SCFD2: variants seen among roughly 807,000 people sequenced by gnomAD.
The protein encoded by SCFD2 is sec1 family domain containing 2.
In SCFD2, 54 loss-of-function variants were observed where a neutral mutation model predicts 58.9. The observed-to-expected ratio is 0.92, with a 90% CI of 0.74 to 1.15. SCFD2 has a LOEUF of 1.15. Among genes scored for constraint, SCFD2 ranks in the 50% most tolerant of loss-of-function variants. The pLI is 0.00. For missense variants in SCFD2, 805 were observed against 836.6 expected (o/e 0.96, Z 0.47); for synonymous variants, 321 against 335.9 (o/e 0.96, Z 0.49).
At chr4:53,205,005 T>A in intron 4 of SCFD2, among the ~76,000 whole-genome samples, 1 of 151,996 alleles carries the variant, frequency 6.6e-6, no homozygotes, top group East Asian at 1.9e-4. Context: ...CTTTTCAATA[T>A]ATCAAAGGAT....
chr4:53,308,105 C>T (rs562756792), intron 3 of SCFD2, among the ~76,000 whole-genome samples: 1 of 152,164 alleles, frequency 6.6e-6, no homozygotes, highest in African/African-American at 2.4e-5. Context: ...GGAAAAGAAA[C>T]CTCAGCTTTG....
Position 52,885,786 on chromosome 4 carries a change from C to A in SCFD2, c.1923G>T (p.Met641Ile), listed in dbSNP as rs752915973. Residue 641 changes from methionine (M) to isoleucine (I), a missense_variant, in exon 8 of 9, where the codon ATG (methionine) becomes ATT (isoleucine). Met to Ile is a conservative substitution (Grantham distance 10, BLOSUM62 1). This residue lies in a region of SCFD2 where 633 missense variants were observed against 646.8 expected (regional missense o/e 0.98). Coordinates refer to ENST00000401642, the MANE Select transcript of SCFD2 (RefSeq NM_152540.4). ...TCAACGATGCCACAAGATCTTTGAC[C>A]ATTTTCACTTCAGAGACTGTGACCC... ...VGGVTVSEVK[M>I]VKDLVASLKP... 6.2e-7 allele frequency: 1 copy of A among 1,614,078 alleles called. No individual in the cohort carries two copies. The highest frequency in any genetic ancestry group is 1.1e-5 in the South Asian group (1 of 91,048).
intron 2 of SCFD2, among the ~76,000 whole-genome samples, chr4:53,315,579 G>C (rs569962530): frequency 1.3e-5 from 2 of 152,136 alleles, no homozygotes; most frequent in African/African-American, 4.8e-5. Flanking sequence ...TTCAAAAGGA[G>C]GTCTGTTTGC....
intron 5 of SCFD2, among the ~76,000 whole-genome samples, chr4:52,982,204 C>G (rs1462723223): frequency 1.3e-5 from 2 of 152,162 alleles, no homozygotes; most frequent in Non-Finnish European, 2.9e-5. Flanking sequence ...GTGTCTGTCA[C>G]AGCATAAGCA....
intron 4 of SCFD2, among the ~76,000 whole-genome samples, chr4:53,228,235 C>G (rs1197771488): frequency 6.6e-6 from 1 of 152,152 alleles, no homozygotes; most frequent in Admixed American, 6.6e-5. Flanking sequence ...TCAGTACAAA[C>G]ATCTTGTAAA....
At chr4:52,980,601 G>A (rs908035445) in intron 5 of SCFD2, among the ~76,000 whole-genome samples, 4 of 152,158 alleles carry the variant, frequency 2.6e-5, no homozygotes, top group African/African-American at 9.7e-5. Flanking sequence ...TCATGACTTG[G>A]TGCCTGCATC....
At chr4:53,015,316 T>C (rs1722185189) in intron 5 of SCFD2, among the ~76,000 whole-genome samples, 1 of 152,200 alleles carries the variant, frequency 6.6e-6, no homozygotes, top group African/African-American at 2.4e-5. Flanking sequence ...ATTCATCTAG[T>C]GTTACTGGGG....
Position 53,330,153 on chromosome 4 carries a change from C to A in SCFD2, c.1008-16390G>T, listed in dbSNP as rs556679311. On this transcript the variant is annotated intron_variant, in intron 2 of 8. Coordinates refer to ENST00000401642, the MANE Select transcript of SCFD2 (RefSeq NM_152540.4). ...CTGAAAGTGATGGGGAGAATGGAAC[C>A]AAGTTGGAAAACACGCTGCAGGATA... Among the ~76,000 whole-genome samples, 5 of 152,210 alleles carry A rather than the reference C, an allele frequency of 3.3e-5. No homozygotes were observed. The East Asian group carries it at 9.7e-4, about 29-fold the overall frequency.
intron 5 of SCFD2, among the ~76,000 whole-genome samples, chr4:52,944,241 A>G (rs1307843041): frequency 6.6e-6 from 1 of 152,184 alleles, no homozygotes; most frequent in Non-Finnish European, 1.5e-5. Context: ...CAAATTATGT[A>G]TTACTGTTTA....
intron 5 of SCFD2, among the ~76,000 whole-genome samples, chr4:53,009,362 A>G (rs1449106519): frequency 2.0e-5 from 3 of 152,236 alleles, no homozygotes; most frequent in Admixed American, 6.5e-5. Flanking sequence ...CTGGTTGAGA[A>G]CCACAAAGTT....
At chr4:53,017,754 T>C (rs1429796169) in intron 5 of SCFD2, among the ~76,000 whole-genome samples, 1 of 152,186 alleles carries the variant, frequency 6.6e-6, no homozygotes, top group Non-Finnish European at 1.5e-5. Context: ...CACTGAGCTC[T>C]GCCACCTCTC....
At chr4:52,883,258 G>T (rs1718661958) in intron 8 of SCFD2, among the ~76,000 whole-genome samples, 1 of 152,158 alleles carries the variant, frequency 6.6e-6, no homozygotes, top group Non-Finnish European at 1.5e-5. Flanking sequence ...CTGTGTGTCT[G>T]TCAAGGTCTA....
chr4:52,902,906 C>T (rs748479682), intron 7 of SCFD2, among the ~76,000 whole-genome samples: 1 of 152,112 alleles, frequency 6.6e-6, no homozygotes, highest in Non-Finnish European at 1.5e-5. Flanking sequence ...GAAGTGATTG[C>T]TATTAGCATA....
chr4:53,226,305 G>C (rs1237235423), intron 4 of SCFD2, among the ~76,000 whole-genome samples: 2 of 151,882 alleles, frequency 1.3e-5, no homozygotes, highest in African/African-American at 4.8e-5. Context: ...TATTTTTATG[G>C]GGGGGAGGGG....
rs576774494 is a variant in SCFD2 at position 53,110,329 on chromosome 4, T to C, written c.1561+35004A>G. On this transcript the variant is annotated intron_variant, in intron 5 of 8. Transcript: ENST00000401642. ...GGCAATAGCATTCAGGAGATAGGCA[T>C]GGGCAAAGACTTCATGACCAAAACA... is the stretch of plus-strand genomic sequence containing the variant. Among the ~76,000 whole-genome samples the C allele has an allele frequency of 1.1e-4, 16 of 152,262 alleles. No homozygotes were observed. The East Asian group carries it at 2.9e-3, about 28-fold the overall frequency.
At chr4:53,160,977 A>ATG (rs1459691249) in intron 4 of SCFD2, among the ~76,000 whole-genome samples, 1 of 152,244 alleles carries the variant, frequency 6.6e-6, no homozygotes, top group Non-Finnish European at 1.5e-5. Flanking sequence ...ATGGAATATT[A>ATG]CATAACAATG....
intron 5 of SCFD2, among the ~76,000 whole-genome samples, chr4:52,986,229 G>GT (rs11432484): frequency 0.82 from 122,638 of 149,810 alleles, 50,827 homozygotes; most frequent in Middle Eastern, 0.95. Context: ...AAAGGGTAAA[G>GT]TTTTTTTTTT....
At chr4:53,353,348 T>C (rs1320621824) in intron 1 of SCFD2, among the ~76,000 whole-genome samples, 1 of 152,158 alleles carries the variant, frequency 6.6e-6, no homozygotes, top group African/African-American at 2.4e-5. Context: ...ACCTTCACCA[T>C]GAGTGTTACA....
At chr4:53,236,813 T>G (rs936988919) in intron 4 of SCFD2, among the ~76,000 whole-genome samples, 1 of 18,972 alleles carries the variant, frequency 5.3e-5, no homozygotes. Flanking sequence ...CACTGTTTTA[T>G]TTATTTATTT....
Sources: allele counts gnomAD v4.1 joint callset (sites outside exome capture counted in the v4.1 genomes callset), GRCh38; gene constraint gnomAD v4.1.1; regional missense constraint gnomAD v4.1.1; transcripts MANE v1.5; gene names NCBI Gene and HGNC (gene_info 2026-07-23, HGNC 2026-07-21).